ANKS1B: variants seen among roughly 807,000 people sequenced by gnomAD.
ANKS1B encodes ankyrin repeat and sterile alpha motif domain containing 1B.
In ANKS1B, 36 loss-of-function variants were observed where a neutral mutation model predicts 148.3. That is an observed-to-expected ratio of 0.24 (90% CI 0.19 to 0.32). ANKS1B has a LOEUF of 0.32. Ranked by LOEUF, ANKS1B falls within the 10% of genes least tolerant of loss-of-function variation. The pLI is 1.00. For missense variants in ANKS1B, 1,157 were observed against 1,542.6 expected (o/e 0.75, Z 4.19); for synonymous variants, 542 against 560.8 (o/e 0.97, Z 0.47).
intron 9 of ANKS1B, among the ~76,000 whole-genome samples, chr12:99,650,889 C>T (rs1193009464): frequency 2.5e-5 from 3 of 118,450 alleles, no homozygotes; most frequent in Admixed American, 9.3e-5. Flanking sequence ...TAAAGTAATA[C>T]ATCACATGGT....
chr12:99,736,267 A>C (rs2059608220), intron 8 of ANKS1B, among the ~76,000 whole-genome samples: 1 of 152,138 alleles, frequency 6.6e-6, no homozygotes, highest in African/African-American at 2.4e-5. Flanking sequence ...CGGGCAAGAG[A>C]ATGAAAGAAA....
intron 17 of ANKS1B, among the ~76,000 whole-genome samples, chr12:98,920,095 G>A (rs1427489094): frequency 6.6e-6 from 1 of 152,160 alleles, no homozygotes; most frequent in East Asian, 1.9e-4. Context: ...GGCAGCACTG[G>A]GGAGAAAATC....
chr12:98,862,408 C>T (rs957200193), intron 17 of ANKS1B, among the ~76,000 whole-genome samples: 1 of 152,100 alleles, frequency 6.6e-6, no homozygotes, highest in East Asian at 1.9e-4. Context: ...CTGATCTATG[C>T]AAAGTACTTA....
intron 15 of ANKS1B, among the ~76,000 whole-genome samples, chr12:99,092,922 A>G (rs1227175454): frequency 6.6e-6 from 1 of 152,192 alleles, no homozygotes; most frequent in Non-Finnish European, 1.5e-5. Context: ...GAGGAAACTG[A>G]GTCTCAGAGA....
chr12:99,630,980 A>G (rs2098154032), intron 9 of ANKS1B, among the ~76,000 whole-genome samples: 1 of 152,138 alleles, frequency 6.6e-6, no homozygotes, highest in Non-Finnish European at 1.5e-5. Flanking sequence ...GATAGTGAAT[A>G]AGTCTCAAGA....
At chr12:98,914,861 GGAT>G (rs1465705143) in intron 17 of ANKS1B, among the ~76,000 whole-genome samples, 1 of 152,056 alleles carries the variant, frequency 6.6e-6, no homozygotes, top group African/African-American at 2.4e-5. Context: ...CCCTAAGCCA[GGAT>G]GATTTTTCAT....
At chr12:99,600,000 C>A (rs1211587336) in intron 9 of ANKS1B, among the ~76,000 whole-genome samples, 1 of 151,898 alleles carries the variant, frequency 6.6e-6, no homozygotes, top group African/African-American at 2.4e-5. Flanking sequence ...AGTTCCAAGG[C>A]AGTCTCTTCA....
At chr12:99,622,219 A>C (rs1178106225) in intron 9 of ANKS1B, among the ~76,000 whole-genome samples, 2 of 152,110 alleles carry the variant, frequency 1.3e-5, no homozygotes, top group Non-Finnish European at 2.9e-5. Context: ...AACATACCAA[A>C]ATCTCTGGGA....
At position 98,751,001 on chromosome 12, in the gene ANKS1B, C is replaced by G. The variant is rs2098075634; in HGVS notation, c.3747+354G>C. On this transcript the variant is annotated intron_variant, in intron 26 of 26. Transcript: ENST00000683438. This position sits in a 1 kb window ranked among gnomAD's most constrained non-coding sequence, Gnocchi z 4.3. ...CCAGGGGCTTGTAGGAGGCTTTGCC[C>G]TCTGATGGGATGGCAGCTGAAGCCC... is the stretch of plus-strand genomic sequence containing the variant. Among the ~76,000 whole-genome samples, 1 of 152,178 alleles carries G rather than the reference C, an allele frequency of 6.6e-6. No homozygotes were observed. The highest frequency in any genetic ancestry group is 1.5e-5 in the Non-Finnish European group (1 of 68,014).
At chr12:99,855,007 A>G (rs2088740281) in intron 1 of ANKS1B, among the ~76,000 whole-genome samples, 1 of 152,174 alleles carries the variant, frequency 6.6e-6, no homozygotes, top group Non-Finnish European at 1.5e-5. Context: ...AAACCCAGGT[A>G]TTCAGGCAAC....
intron 16 of ANKS1B, among the ~76,000 whole-genome samples, chr12:99,081,320 T>C (rs1432851272): frequency 6.6e-6 from 1 of 152,144 alleles, no homozygotes; most frequent in African/African-American, 2.4e-5. Context: ...AATATGTTAA[T>C]TAAAGGATCC....
chr12:99,302,739 A>T (rs550248845), intron 12 of ANKS1B, among the ~76,000 whole-genome samples: 3 of 152,302 alleles, frequency 2.0e-5, no homozygotes, highest in Non-Finnish European at 4.4e-5. Context: ...AAAGAATAAA[A>T]TTTGGCAGCA....
intron 9 of ANKS1B, among the ~76,000 whole-genome samples, chr12:99,613,750 T>C (rs955290216): frequency 2.0e-5 from 3 of 151,874 alleles, no homozygotes; most frequent in East Asian, 1.9e-4. Context: ...AACTAATGGA[T>C]ACTAGGCTTA....
intron 1 of ANKS1B, among the ~76,000 whole-genome samples, chr12:99,919,478 T>A (rs572967609): frequency 3.5e-4 from 54 of 152,328 alleles, no homozygotes; most frequent in Admixed American, 1.2e-3. Context: ...AAGGGTCTTA[T>A]AAGTTTAGAT....
chr12:98,782,676 T>C (rs1450104123), intron 22 of ANKS1B, among the ~76,000 whole-genome samples: 3 of 152,160 alleles, frequency 2.0e-5, no homozygotes, highest in African/African-American at 7.2e-5. Flanking sequence ...CAACATCTTT[T>C]TGAGAGTTAC....
At chr12:99,846,044 C>A (rs1565848305) in intron 1 of ANKS1B, among the ~76,000 whole-genome samples, 1 of 152,112 alleles carries the variant, frequency 6.6e-6, no homozygotes, top group Non-Finnish European at 1.5e-5. Context: ...AATATTACTA[C>A]ATCTGCTCTC....
chr12:99,984,059 T>C (rs751564694), intron 1 of ANKS1B, 45 bp downstream of exon 1: 4 of 1,532,596 alleles, frequency 2.6e-6, no homozygotes, highest in Middle Eastern at 1.8e-4. Context: ...TCCATCACAA[T>C]GCATAATGAG....
intron 4 of ANKS1B, among the ~76,000 whole-genome samples, chr12:99,801,416 G>A (rs1264830094): frequency 6.6e-6 from 1 of 152,180 alleles, no homozygotes; most frequent in Non-Finnish European, 1.5e-5. Context: ...TACTGACTTT[G>A]TCAGTGCTGA....
intron 22 of ANKS1B, among the ~76,000 whole-genome samples, chr12:98,796,525 T>C (rs975630677): frequency 2.0e-5 from 3 of 152,172 alleles, no homozygotes; most frequent in African/African-American, 7.2e-5. Context: ...TTATAGTTGG[T>C]GAAAGTTCTA....
Sources: allele counts gnomAD v4.1 joint callset (sites outside exome capture counted in the v4.1 genomes callset), GRCh38; gene constraint gnomAD v4.1.1; non-coding constraint Gnocchi (gnomAD v3.1); transcripts MANE v1.5; gene names NCBI Gene and HGNC (gene_info 2026-07-23, HGNC 2026-07-21).